Variants in GPC5 observed in about 807,000 individuals in gnomAD.
GPC5 encodes the protein glypican-5.
In GPC5, 47 loss-of-function variants were observed where a neutral mutation model predicts 53.9. That is an observed-to-expected ratio of 0.87 (90% confidence interval 0.69 to 1.11). The LOEUF is 1.11. GPC5 is among the 50% of genes most tolerant of loss of function. GPC5 has a pLI of 0.00. For synonymous variants in GPC5, 286 were observed against 263.3 expected, an observed-to-expected ratio of 1.09 and a Z score of -0.84; for missense variants, 748 against 713.1, an observed-to-expected ratio of 1.05 and a Z score of -0.56.
Position 91,751,972 on chromosome 13 carries a change from G to C in GPC5, c.1155-4323G>C, listed in dbSNP as rs140656888. Among the ~76,000 whole-genome samples, 19 of 152,270 alleles carry C rather than the reference G, an allele frequency of 1.2e-4. 1 individual carries two copies. The highest frequency in any genetic ancestry group is 4.1e-4 in the African/African-American group (17 of 41,566). The stretch of plus-strand genomic sequence containing the variant: ...ACTGGGTGGCTTAAACAACACAAAT[G>C]AATTTCCTCAATAGTTCTGGGGTTG... On this transcript the variant is annotated intron_variant, in intron 4 of 7. Coordinates refer to ENST00000377067, the MANE Select transcript of GPC5 (RefSeq NM_004466.6).
chr13:91,520,688 G>A (rs1158174458), intron 2 of GPC5, among the ~76,000 whole-genome samples: 2 of 151,574 alleles, frequency 1.3e-5, no homozygotes, highest in African/African-American at 4.9e-5. Flanking sequence ...ATATATATGT[G>A]TGTATATATG....
At chr13:92,639,942 C>T (rs930803110) in intron 7 of GPC5, among the ~76,000 whole-genome samples, 1 of 151,844 alleles carries the variant, frequency 6.6e-6, no homozygotes, top group African/African-American at 2.4e-5. Context: ...CTAGAAATTA[C>T]TTTATAAGTG....
chr13:91,780,503 T>C (rs1172975377), intron 5 of GPC5, among the ~76,000 whole-genome samples: 1 of 152,166 alleles, frequency 6.6e-6, no homozygotes, highest in Admixed American at 6.5e-5. Context: ...TGCTTTCTTT[T>C]ACGTTTCTCT....
At chr13:92,703,956 C>T (rs906951793) in intron 7 of GPC5, among the ~76,000 whole-genome samples, 1 of 151,748 alleles carries the variant, frequency 6.6e-6, no homozygotes, top group Non-Finnish European at 1.5e-5. Context: ...TGTTAAATAC[C>T]GTTGTTCCAT....
chr13:91,940,085 A>G (rs1158682041), intron 6 of GPC5, among the ~76,000 whole-genome samples: 1 of 152,022 alleles, frequency 6.6e-6, no homozygotes, highest in Non-Finnish European at 1.5e-5. Context: ...AACTGGAAAA[A>G]CCTTCATGGA....
At chr13:91,655,871 A>G (rs1172855903) in intron 2 of GPC5, among the ~76,000 whole-genome samples, 3 of 152,168 alleles carry the variant, frequency 2.0e-5, no homozygotes, top group Non-Finnish European at 4.4e-5. Flanking sequence ...CAACTCCCAG[A>G]GGAATCTCTC....
intron 2 of GPC5, among the ~76,000 whole-genome samples, chr13:91,503,422 T>C (rs541604544): frequency 6.6e-6 from 1 of 152,198 alleles, no homozygotes; most frequent in South Asian, 2.1e-4. Flanking sequence ...AAAAAGACTT[T>C]TAAAAACCCA....
chr13:92,511,455 G>A (rs928646358), intron 7 of GPC5, among the ~76,000 whole-genome samples: 3 of 152,044 alleles, frequency 2.0e-5, no homozygotes, highest in African/African-American at 7.2e-5. Context: ...ATTACTTTAT[G>A]TTAGTTTTTC....
chr13:91,956,172 C>G (rs567830032), intron 6 of GPC5, among the ~76,000 whole-genome samples: 37 of 152,128 alleles, frequency 2.4e-4, no homozygotes, highest in African/African-American at 8.7e-4. Context: ...TTCTCCCCCC[C>G]ACCCCAATAC....
In GPC5 at chr13:92,385,519, C is replaced by CATATACAT. The variant is rs1481687635; in HGVS notation, c.1561+240534_1561+240535insACATATAT. Among the ~76,000 whole-genome samples the CATATACAT allele has an allele frequency of 7.6e-4, 56 of 74,144 alleles. 3 individuals carry two copies. The highest frequency in any genetic ancestry group is 3.9e-3 in the African/African-American group (48 of 12,322). 48.6% of individuals were successfully genotyped at this position (74,144 alleles called of 152,430 possible). ...ATACATACATATACATATATACATA[C>CATATACAT]ATATGCATATATACATATATGCATA... is the stretch of plus-strand genomic sequence containing the variant. On this transcript the variant is annotated intron_variant, in intron 7 of 7. Transcript: ENST00000377067.
At chr13:92,428,455 T>C (rs1043312029) in intron 7 of GPC5, among the ~76,000 whole-genome samples, 1 of 152,060 alleles carries the variant, frequency 6.6e-6, no homozygotes, top group African/African-American at 2.4e-5. Flanking sequence ...CTCCGATTGG[T>C]CCATATTTTT....
chr13:91,509,604 A>G (rs1885129777), intron 2 of GPC5, among the ~76,000 whole-genome samples: 1 of 151,916 alleles, frequency 6.6e-6, no homozygotes, highest in Non-Finnish European at 1.5e-5. Context: ...TTAGGACAAT[A>G]TTAATATAAC....
chr13:92,755,611 G>A (rs1348559380), intron 7 of GPC5, among the ~76,000 whole-genome samples: 1 of 145,866 alleles, frequency 6.9e-6, no homozygotes, highest in Admixed American at 7.1e-5. Context: ...AAAGAGAGAA[G>A]AATCAAATAG....
intron 2 of GPC5, among the ~76,000 whole-genome samples, chr13:91,463,408 A>G (rs1394490222): frequency 6.6e-6 from 1 of 152,120 alleles, no homozygotes; most frequent in African/African-American, 2.4e-5. Flanking sequence ...TAAGGAGACT[A>G]TAAAGATACA....
chr13:92,549,044 A>AT (rs1882220206), intron 7 of GPC5, among the ~76,000 whole-genome samples: 1 of 152,058 alleles, frequency 6.6e-6, no homozygotes, highest in Non-Finnish European at 1.5e-5. Flanking sequence ...AATACCCACT[A>AT]TTTTTTCTGG....
intron 6 of GPC5, among the ~76,000 whole-genome samples, chr13:92,013,716 C>T (rs981074939): frequency 1.3e-5 from 2 of 152,168 alleles, no homozygotes; most frequent in African/African-American, 4.8e-5. Flanking sequence ...TTCCCTTTTT[C>T]CCAGCAATAA....
intron 5 of GPC5, among the ~76,000 whole-genome samples, chr13:91,799,732 G>A (rs1402345382): frequency 6.6e-6 from 1 of 152,058 alleles, no homozygotes; most frequent in Non-Finnish European, 1.5e-5. Flanking sequence ...AGTATTTGTT[G>A]AATACATTTA....
chr13:92,032,008 T>G (rs1205779664), intron 6 of GPC5, among the ~76,000 whole-genome samples: 3 of 132,866 alleles, frequency 2.3e-5, no homozygotes, highest in Non-Finnish European at 4.6e-5. Flanking sequence ...TAATTGTATA[T>G]AATATATAAT....
At chr13:91,979,084 CA>C (rs751930113) in intron 6 of GPC5, among the ~76,000 whole-genome samples, 1 of 152,134 alleles carries the variant, frequency 6.6e-6, no homozygotes, top group African/African-American at 2.4e-5. Flanking sequence ...TGGAGATTAA[CA>C]GATTAATTCT....
Sources: allele counts gnomAD v4.1 joint callset (sites outside exome capture counted in the v4.1 genomes callset), GRCh38; gene constraint gnomAD v4.1.1; transcripts MANE v1.5; gene names NCBI Gene and HGNC (gene_info 2026-07-23, HGNC 2026-07-21).